Variants in ZNF318 observed in about 807,000 individuals in gnomAD.
The protein encoded by ZNF318 is zinc finger protein 318, also known as endocrine regulator.
ZNF318 carries 51 observed loss-of-function variants against 124.2 expected under a neutral mutation model. The observed-to-expected ratio is 0.41, with a 90% CI of 0.33 to 0.52. ZNF318 has a LOEUF of 0.52. Ranked by LOEUF, ZNF318 falls within the 20% of genes least tolerant of loss-of-function variation. ZNF318 has a pLI of 0.23. For synonymous variants in ZNF318, 1,090 were observed against 1,040.7 expected, an observed-to-expected ratio of 1.05 and a Z score of -0.91; for missense variants, 2,815 against 2,811.2, an observed-to-expected ratio of 1.00 and a Z score of -0.03.
intron 6 of ZNF318, among the ~76,000 whole-genome samples, chr6:43,346,413 G>A (rs1167142427): frequency 1.3e-5 from 2 of 151,394 alleles, no homozygotes; most frequent in Admixed American, 6.6e-5. Flanking sequence ...CCTGGGAGGC[G>A]GAGGTTGCAA....
Position 43,354,964 on chromosome 6 carries a change from G to A in ZNF318, c.2370C>T (p.Ala790=), listed in dbSNP as rs753193186. Residue 790 remains alanine (A), a synonymous_variant, in exon 4 of 10, where the codon GCC becomes GCT. Transcript: ENST00000361428. Reference sequence around the variant, plus strand: ...CTGCATATGCCATGTAGTGCCTATAGGCATCAAAAGAGGCAGGGGGAATGG... The same window carrying A: ...CTGCATATGCCATGTAGTGCCTATAAGCATCAAAAGAGGCAGGGGGAATGG... ...GPAIPPASFD[A]YRHYMAYAAS... is the part of the protein sequence containing the mutation. 1.2e-6 allele frequency: 2 copies of A among 1,609,934 alleles called. No homozygotes were observed. The highest frequency in any genetic ancestry group is 1.7e-6 in the Non-Finnish European group (2 of 1,177,688).
chr6:43,343,836 A>G (rs1779405515), intron 6 of ZNF318, among the ~76,000 whole-genome samples: 1 of 91,080 alleles, frequency 1.1e-5, no homozygotes, highest in Non-Finnish European at 2.2e-5. Context: ...TCAAAAAAAA[A>G]AAAAAAAAAA....
intron 6 of ZNF318, among the ~76,000 whole-genome samples, chr6:43,343,921 C>T (rs932946508): frequency 6.6e-6 from 1 of 151,280 alleles, no homozygotes; most frequent in Non-Finnish European, 1.5e-5. Flanking sequence ...TTATCAACAG[C>T]AAATACTTTA....
rs775867297 is a variant in ZNF318 at position 43,337,811 on chromosome 6, C to T, written c.6187G>A (p.Glu2063Lys). 1.7e-5 allele frequency: 27 copies of T among 1,614,024 alleles called. No homozygotes were observed. Among genetic ancestry groups the T allele is most frequent in the East Asian group, 2.2e-5 (1 of 44,888 alleles). The change falls in exon 10 of 10, where the codon GAA becomes AAA. Residue 2063 changes from glutamate to lysine, a missense_variant. This residue lies in a region of ZNF318 where 927 missense variants were observed against 820.6 expected (regional missense o/e 1.13). Coordinates refer to ENST00000361428, the MANE Select transcript of ZNF318 (RefSeq NM_014345.3). The stretch of plus-strand genomic sequence containing the variant: ...AACCCAGAAAAAGATGGGATTGGTT[C>T]GAAGTCAGCGGGATCGGAGGAATTA... Reference protein sequence around the residue: ...GCNSSDPADFEPIPSFSGFPL... With the variant: ...GCNSSDPADFKPIPSFSGFPL...
At chr6:43,364,280 G>A (rs1371563915) in intron 2 of ZNF318, 2 of 471,652 alleles carry the variant, frequency 4.2e-6, no homozygotes, top group Non-Finnish European at 3.8e-6. Flanking sequence ...GGCTCCAGCT[G>A]TGGCTACAAC....
intron 4 of ZNF318, among the ~76,000 whole-genome samples, chr6:43,353,866 G>T (rs993491685): frequency 6.6e-6 from 1 of 152,076 alleles, no homozygotes; most frequent in Non-Finnish European, 1.5e-5. Context: ...AGAATTATTA[G>T]AATTATTATA....
In ZNF318 at chr6:43,336,994, G is replaced by T; in HGVS notation, c.*164C>A. The T allele has an allele frequency of 2.0e-6, 1 of 499,484 alleles. No homozygotes were observed. The highest frequency in any genetic ancestry group is 3.3e-6 in the Non-Finnish European group (1 of 299,682). The allele number at this position is 499,484 out of a possible 1,614,324, so 30.9% of individuals were successfully genotyped here. ...GGTGTTTTAAGGGGAAAGGGAAAAG[G>T]AAAGGAGGTAAATTTTTTAGCTTCC... On this transcript the variant is annotated 3_prime_UTR_variant, in exon 10 of 10. Transcript: ENST00000361428.
At chr6:43,368,811 C>G (rs1318692582) in intron 1 of ZNF318, 156 bp downstream of exon 1, 70 of 983,916 alleles carry the variant, frequency 7.1e-5, no homozygotes, top group Non-Finnish European at 7.6e-5. Context: ...GCTCCCGGGT[C>G]TGACAGAAGC....
rs768647806 is a variant in ZNF318, at chr6:43,338,328, T to C, written c.5670A>G (p.Pro1890=). 1.9e-6 allele frequency: 3 copies of C among 1,614,196 alleles called. No homozygotes were observed. The highest frequency in any genetic ancestry group is 2.7e-5 in the African/African-American group (2 of 75,054). The change falls in exon 10 of 10, where the codon CCA becomes CCG. Residue 1890 remains proline (P), a synonymous_variant. Coordinates refer to ENST00000361428, the MANE Select transcript of ZNF318 (RefSeq NM_014345.3). ...TGGCTGGGGAATGAAGCAGCAACTC[T>C]GGGGCAGAAATTTTCACAGGTGTAT... ...PQDTPVKISA[P]ELLLHSPARS... is the part of the protein sequence containing the mutation.
At chr6:43,367,085 C>G (rs893668118) in intron 1 of ZNF318, among the ~76,000 whole-genome samples, 1 of 152,146 alleles carries the variant, frequency 6.6e-6, no homozygotes, top group Non-Finnish European at 1.5e-5. Context: ...CTCCTGACCT[C>G]GTGATCCGCC....
At position 43,355,328 on chromosome 6, in the gene ZNF318, C is replaced by T. The variant is rs148372432; in HGVS notation, c.2006G>A (p.Arg669His). ...CTCTAGTCTGTGGGGATCTGAGGAA[C>T]GTCGATCAGCTGAGAAGCAGTGGTC... is the stretch of plus-strand genomic sequence containing the variant. ...SVDHCFSADR[R>H]SSDPHRLESR... is the part of the protein sequence containing the mutation. The change falls in exon 4 of 10, where the codon CGT (arginine) becomes CAT (histidine). Residue 669 changes from arginine (R) to histidine (H), a missense_variant. Transcript: ENST00000361428. 10 of 1,614,028 alleles carry T rather than the reference C, an allele frequency of 6.2e-6. No homozygotes were observed. Among genetic ancestry groups the T allele is most frequent in the Admixed American group, 1.7e-5 (1 of 59,996 alleles).
In ZNF318 at chr6:43,343,433, T is replaced by C. The variant is rs115719085; in HGVS notation, c.3073-554A>G. Among the ~76,000 whole-genome samples, 330 of 152,270 alleles carry C rather than the reference T, an allele frequency of 2.2e-3. 2 individuals carry two copies. Among genetic ancestry groups the C allele is most frequent in the African/African-American group, 7.2e-3 (299 of 41,552 alleles). On this transcript the variant is annotated intron_variant, in intron 6 of 9. Transcript: ENST00000361428. ...GAAGGGTTGGTGTACATAGATAAAG[T>C]AGACTATACAACTACACATAGATAA...
At position 43,338,628 on chromosome 6, in the gene ZNF318, C is replaced by G. The variant is rs1310605718; in HGVS notation, c.5370G>C (p.Glu1790Asp). The stretch of plus-strand genomic sequence containing the variant: ...TACTTACTCCCTCATCAACTATCCC[C>G]TCAGACAGCTCCTTTACCCTTTCTT... ...ELKERVKELS[E>D]GIVDEGVSTS... The change falls in exon 10 of 10, where the codon GAG becomes GAC. Residue 1790 changes from glutamate to aspartate, a missense_variant. This residue lies in a region of ZNF318 where 927 missense variants were observed against 820.6 expected (regional missense o/e 1.13). Transcript: ENST00000361428. 4.3e-6 allele frequency: 7 copies of G among 1,614,038 alleles called. No individual in the cohort carries two copies. Among genetic ancestry groups the G allele is most frequent in the Non-Finnish European group, 5.9e-6 (7 of 1,180,028 alleles).
chr6:43,358,414 A>ATTTTTTTTTTT (rs71547834), intron 2 of ZNF318, among the ~76,000 whole-genome samples: 1 of 124,782 alleles, frequency 8.0e-6, no homozygotes, highest in Non-Finnish European at 1.6e-5. Context: ...CACCCGGCTA[A>ATTTTTTTTTTT]TTTTTTTTTT....
At chr6:43,365,629 C>G (rs1369931227) in intron 1 of ZNF318, among the ~76,000 whole-genome samples, 189 bp from the exon 2 acceptor site, 1 of 152,086 alleles carries the variant, frequency 6.6e-6, no homozygotes, top group Non-Finnish European at 1.5e-5. Context: ...CAGACTCCAT[C>G]TCTATAAAAA....
In ZNF318 at chr6:43,339,184, G is replaced by C; in HGVS notation, c.4814C>G (p.Ser1605Cys). Residue 1605 changes from serine (S) to cysteine (C), a missense_variant, in exon 10 of 10, where the codon TCT (serine) becomes TGT (cysteine). Physicochemically the swap from Ser to Cys is moderately radical, Grantham distance 112. This residue lies in a region of ZNF318 where 927 missense variants were observed against 820.6 expected (regional missense o/e 1.13). Transcript: ENST00000361428. This position sits in a 1 kb window ranked among gnomAD's most constrained non-coding sequence, Gnocchi z 4.2. ...AGAGGTGTCTGAACTTTTGGTTCTA[G>C]AGAGGTTGCTATTTTCCCCATTGGC... ...PLANGENSNL[S>C]RTKSSDTSST... is the part of the protein sequence containing the mutation. The C allele has an allele frequency of 6.2e-7, 1 of 1,614,206 alleles. No individual in the cohort carries two copies. Among genetic ancestry groups the C allele is most frequent in the Non-Finnish European group, 8.5e-7 (1 of 1,180,038 alleles).
intron 1 of ZNF318, among the ~76,000 whole-genome samples, chr6:43,367,095 C>G (rs1779772402): frequency 6.6e-6 from 1 of 152,236 alleles, no homozygotes. Flanking sequence ...CGTGATCCGC[C>G]TGCCTCGGCC....
chr6:43,365,174 G>T, intron 2 of ZNF318, 118 bp downstream of exon 2: 1 of 1,115,938 alleles, frequency 9.0e-7, no homozygotes, highest in Non-Finnish European at 1.3e-6. Flanking sequence ...TACTGGACAT[G>T]TGGCATAGGA....
chr6:43,346,524 CAAAAA>C (rs59587962), intron 6 of ZNF318, among the ~76,000 whole-genome samples: 21 of 104,530 alleles, frequency 2.0e-4, no homozygotes, highest in African/African-American at 4.6e-4. Flanking sequence ...CATCTTTAAC[CAAAAA>C]AAAAAAAAAA....
Sources: gnomAD v4.1 joint callset for allele counts (sites outside exome capture counted in the v4.1 genomes callset) on GRCh38, gnomAD v4.1.1 for gene constraint, gnomAD v4.1.1 regional missense constraint, Gnocchi (gnomAD v3.1) non-coding constraint, MANE v1.5 for transcripts, NCBI Gene and HGNC (gene_info 2026-07-23, HGNC 2026-07-21) for gene names.